The following NEB variants were observed in gnomAD, a reference collection of about 807,000 sequenced individuals.
NEB encodes the protein nebulin, also known as nemaline myopathy type 2.
NEB carries 512 observed loss-of-function variants against 952.2 expected under a neutral mutation model. The observed-to-expected ratio is 0.54, with a 90% CI of 0.50 to 0.58. The LOEUF is 0.58. Ranked by LOEUF, NEB falls within the 20% of genes least tolerant of loss-of-function variation. The pLI is 0.00. For missense variants in NEB, 8,428 were observed against 9,231.1 expected (o/e 0.91, Z 3.56); for synonymous variants, 2,900 against 3,149.8 (o/e 0.92, Z 2.66).
At chr2:151,723,756 T>TG (rs1284243606) in intron 8 of NEB, among the ~76,000 whole-genome samples, 5 of 147,856 alleles carry the variant, frequency 3.4e-5, no homozygotes, top group East Asian at 2.0e-4. Context: ...CTTTGTTTTT[T>TG]TTTTTTTTTT....
chr2:151,538,355 T>C, intron 138 of NEB, 111 bp from the exon 139 acceptor site: 1 of 789,682 alleles, frequency 1.3e-6, no homozygotes, highest in South Asian at 1.7e-5. Flanking sequence ...TGAATACATT[T>C]AGGAAAAATT....
intron 130 of NEB, 100 bp downstream of exon 130, chr2:151,549,536 C>A (rs2095122186): frequency 2.5e-6 from 2 of 812,574 alleles, no homozygotes; most frequent in African/African-American, 1.7e-5. Flanking sequence ...CAGGTTGAAC[C>A]TTGAGGGTGA....
chr2:151,560,462 C>A, intron 124 of NEB, 130 bp downstream of exon 124: 1 of 728,668 alleles, frequency 1.4e-6, no homozygotes, highest in South Asian at 1.6e-5. Flanking sequence ...GGAATTATTT[C>A]CTGGACATGC....
Position 151,644,550 on chromosome 2 carries a change from T to A in NEB, c.7562A>T (p.Glu2521Val). 6.2e-7 allele frequency: 1 copy of A among 1,613,866 alleles called. No individual in the cohort carries two copies. The highest frequency in any genetic ancestry group is 8.5e-7 in the Non-Finnish European group (1 of 1,179,764). The change falls in exon 56 of 182, where the codon GAG becomes GTG. Residue 2521 changes from glutamate (E) to valine (V), a missense_variant. This residue lies in a region of NEB where 1,772 missense variants were observed against 1,960.3 expected (regional missense o/e 0.90). Coordinates refer to ENST00000397345, the MANE Select transcript of NEB (RefSeq NM_001164508.2). ...SDKLYRMGYEELKRKGYDLPV... is the reference protein window; with the variant it reads ...SDKLYRMGYEVLKRKGYDLPV... ...AAGATCGTAACCTTTTCTCTTCAGC[T>A]CCTCATAACCCATTCGGTAGAGTTT...
At chr2:151,665,269 G>T in intron 42 of NEB, 64 bp downstream of exon 42, 2 of 1,485,636 alleles carry the variant, frequency 1.3e-6, no homozygotes, top group Non-Finnish European at 1.9e-6. Context: ...TTGGGGCACT[G>T]CCAGGCTCAA....
intron 70 of NEB, among the ~76,000 whole-genome samples, chr2:151,625,968 T>C (rs1049058580): frequency 1.3e-5 from 2 of 152,198 alleles, no homozygotes; most frequent in Admixed American, 1.3e-4. Context: ...TTCACATCCA[T>C]ATCTGTAGTA....
chr2:151,523,227 A>T (rs965855032), intron 153 of NEB, among the ~76,000 whole-genome samples: 1 of 152,168 alleles, frequency 6.6e-6, no homozygotes, highest in Non-Finnish European at 1.5e-5. Context: ...TACTTATACA[A>T]TTCCATTAAT....
intron 51 of NEB, 109 bp downstream of exon 51, chr2:151,655,161 T>C: frequency 1.5e-6 from 1 of 665,920 alleles, no homozygotes; most frequent in Non-Finnish European, 2.4e-6. Flanking sequence ...AGTGTGTCAT[T>C]TCCAAACTTC....
Position 151,495,905 on chromosome 2 carries a change from A to G in NEB, c.24486+371T>C, listed in dbSNP as rs75797633. Among the ~76,000 whole-genome samples, 1,486 of 152,234 alleles carry G rather than the reference A, an allele frequency of 9.8e-3. 75 individuals carry two copies. In the East Asian group the frequency reaches 0.14, roughly 15 times the overall value. ...GTCATTGACACAAAAACACAACAAA[A>G]TCATATTTAAGAAAGAGCCGCATTG... On this transcript the variant is annotated intron_variant, in intron 173 of 181. Transcript: ENST00000397345.
chr2:151,654,155 G>T (rs537915810), intron 51 of NEB, 56 bp from the exon 52 acceptor site: 4 of 1,091,396 alleles, frequency 3.7e-6, no homozygotes, highest in African/African-American at 1.6e-5. Context: ...AATATCAATA[G>T]ATTATTAGGG....
rs1275672191 is a variant in NEB at position 151,650,853 on chromosome 2, A to G, written c.6948T>C (p.Leu2316=). 4 of 1,613,280 alleles carry G rather than the reference A, an allele frequency of 2.5e-6. No individual in the cohort carries two copies. The highest frequency in any genetic ancestry group is 1.7e-4 in the Middle Eastern group (1 of 6,056). The change falls in exon 53 of 182, where the codon CTT becomes CTC. Residue 2316 remains leucine (L), a synonymous_variant. Coordinates refer to ENST00000397345, the MANE Select transcript of NEB (RefSeq NM_001164508.2). ...YKYKQGYRKQ[L]GHHVGFRSLQ... ...GACTCCGGAATCCAACATGGTGGCC[A>G]AGTTGCTTTCGGTAGCCTTGTTTGT... is the stretch of plus-strand genomic sequence containing the variant.
rs936414242 is a variant in NEB, at chr2:151,677,866, T to C, written c.3567+10A>G. 1 of 1,606,502 alleles carries C rather than the reference T, an allele frequency of 6.2e-7. No individual in the cohort carries two copies. Among genetic ancestry groups the C allele is most frequent in the South Asian group, 1.1e-5 (1 of 90,138 alleles). On this transcript the variant is annotated intron_variant, in intron 33 of 181. Coordinates refer to ENST00000397345, the MANE Select transcript of NEB (RefSeq NM_001164508.2). ...ATAGGGGGGTTTCTTGAGAAGTAAA[T>C]GACACTTACATCACTCTGTATCTGC... is the stretch of plus-strand genomic sequence containing the variant.
At chr2:151,562,263 A>G in intron 120 of NEB, 49 bp from the exon 121 acceptor site, 1 of 1,437,462 alleles carries the variant, frequency 7.0e-7, no homozygotes, top group African/African-American at 1.4e-5. Flanking sequence ...CTGAATTTAC[A>G]ATTGAGCATT....
chr2:151,576,524 T>A (rs1461640518), intron 105 of NEB, among the ~76,000 whole-genome samples, 170 bp from the exon 106 acceptor site: 36 of 44,604 alleles, frequency 8.1e-4, no homozygotes, highest in East Asian at 1.5e-3. Flanking sequence ...ATATTTTTTT[T>A]TTTTTTTTTT....
At chr2:151,521,160 C>T (rs1229707655) in intron 153 of NEB, among the ~76,000 whole-genome samples, 1 of 152,106 alleles carries the variant, frequency 6.6e-6, no homozygotes, top group Non-Finnish European at 1.5e-5. Flanking sequence ...TGCTCTTCAC[C>T]TCCCCCAACT....
Position 151,485,868 on chromosome 2 carries a change from T to C in NEB, c.25470A>G (p.Gly8490=), listed in dbSNP as rs778502509. Residue 8490 remains glycine (G), a synonymous_variant, in exon 182 of 182, where the codon GGA becomes GGG. Transcript: ENST00000397345. ...TTGCTTGAACATTTATGATGGCATCTCCATCCTTGAAGGACACCTCATCTG... is the reference window on the plus strand; with the variant it reads ...TTGCTTGAACATTTATGATGGCATCCCCATCCTTGAAGGACACCTCATCTG... ...ADADEVSFKD[G]DAIINVQAID... The C allele has an allele frequency of 2.7e-5, 44 of 1,613,996 alleles. No homozygotes were observed. Among genetic ancestry groups the C allele is most frequent in the South Asian group, 2.6e-4 (24 of 91,086 alleles).
intron 120 of NEB, 40 bp from the exon 121 acceptor site, chr2:151,562,254 T>C (rs770496490): frequency 6.8e-7 from 1 of 1,476,312 alleles, no homozygotes; most frequent in Non-Finnish European, 9.5e-7. Flanking sequence ...GAAGGTATTC[T>C]GAATTTACAA....
intron 142 of NEB, chr2:151,534,263 A>G: frequency 6.2e-7 from 1 of 1,613,794 alleles, no homozygotes; most frequent in Non-Finnish European, 8.5e-7. Context: ...GTCTAGGCTC[A>G]TCGACTACCA....
intron 55 of NEB, among the ~76,000 whole-genome samples, chr2:151,645,481 C>T (rs1179729245): frequency 6.6e-6 from 1 of 152,094 alleles, no homozygotes; most frequent in African/African-American, 2.4e-5. Context: ...TTTTTCAGAT[C>T]TGTAACATAA....
Sources: gnomAD v4.1 joint callset for allele counts (sites outside exome capture counted in the v4.1 genomes callset) on GRCh38, gnomAD v4.1.1 for gene constraint, gnomAD v4.1.1 regional missense constraint, MANE v1.5 for transcripts, NCBI Gene and HGNC (gene_info 2026-07-23, HGNC 2026-07-21) for gene names.